The following VTCN1 variants were observed in gnomAD, a reference collection of about 807,000 sequenced individuals.
The protein encoded by VTCN1 is V-set domain containing T cell activation inhibitor 1, also known as V-set domain-containing T-cell activation inhibitor 1.
A neutral mutation model predicts 26.5 loss-of-function variants in VTCN1; 26 were observed. The observed-to-expected ratio is 0.98, with a 90% CI of 0.72 to 1.36. The LOEUF is 1.36. Ranked by LOEUF, VTCN1 falls within the 40% of genes most tolerant of loss-of-function variation. VTCN1 has a pLI of 0.00. For missense variants in VTCN1, 298 were observed against 337.7 expected (o/e 0.88, Z 0.92); for synonymous variants, 116 against 130.7 (o/e 0.89, Z 0.77).
chr1:117,207,564 C>T (rs951147773), intron 1 of VTCN1, among the ~76,000 whole-genome samples: 1 of 152,110 alleles, frequency 6.6e-6, no homozygotes, highest in Non-Finnish European at 1.5e-5. Flanking sequence ...TATTCCTTGC[C>T]CTTGAGCTAT....
intron 1 of VTCN1, among the ~76,000 whole-genome samples, chr1:117,186,515 A>AT (rs1320084367): frequency 2.6e-5 from 4 of 152,166 alleles, no homozygotes; most frequent in African/African-American, 9.7e-5. Context: ...GTATTTTGTG[A>AT]TTTTATAATG....
At chr1:117,148,699 C>T (rs1215263700) in intron 4 of VTCN1, among the ~76,000 whole-genome samples, 1 of 152,200 alleles carries the variant, frequency 6.6e-6, no homozygotes, top group Non-Finnish European at 1.5e-5. Context: ...ATAACAGCCT[C>T]TTCCCCAGCT....
chr1:117,169,135 A>C lies in VTCN1; in HGVS notation c.97+972T>G, dbSNP rs1652764721. ...CTGAGTCAGGTGGTTTATGAAAAAAAGAGCAGACAATTTGCCTCAGAGAAG... is the reference window on the plus strand; with the variant it reads ...CTGAGTCAGGTGGTTTATGAAAAAACGAGCAGACAATTTGCCTCAGAGAAG... On this transcript the variant is annotated intron_variant, in intron 2 of 5. Transcript: ENST00000369458. The surrounding 1 kb of genome is among the most constrained non-coding windows in gnomAD (Gnocchi z 4.0). Among the ~76,000 whole-genome samples, 1 of 152,238 alleles carries C rather than the reference A, an allele frequency of 6.6e-6. No individual in the cohort carries two copies. Among genetic ancestry groups the C allele is most frequent in the African/African-American group, 2.4e-5 (1 of 41,452 alleles).
chr1:117,180,714 G>C (rs1413524960), intron 1 of VTCN1, among the ~76,000 whole-genome samples: 2 of 152,178 alleles, frequency 1.3e-5, no homozygotes, highest in Non-Finnish European at 2.9e-5. Flanking sequence ...TTCTTTTCAT[G>C]GTTGGCTGTT....
chr1:117,186,862 T>A (rs1030310387), intron 1 of VTCN1, among the ~76,000 whole-genome samples: 3 of 147,488 alleles, frequency 2.0e-5, no homozygotes, highest in African/African-American at 7.6e-5. Flanking sequence ...TCTCCATAAA[T>A]CAAATTAAAC....
intron 1 of VTCN1, among the ~76,000 whole-genome samples, chr1:117,210,376 T>A (rs1649292111): frequency 2.6e-5 from 4 of 152,116 alleles, no homozygotes; most frequent in Admixed American, 2.0e-4. Context: ...TGAAAGCACA[T>A]TCTCCTCCGT....
chr1:117,178,890 T>C (rs2101548605), intron 1 of VTCN1, among the ~76,000 whole-genome samples: 1 of 152,244 alleles, frequency 6.6e-6, no homozygotes, highest in East Asian at 1.9e-4. Flanking sequence ...ACACCCAGCC[T>C]TATGAATGTT....
intron 4 of VTCN1, among the ~76,000 whole-genome samples, chr1:117,148,712 G>C (rs1335364951): frequency 6.6e-6 from 1 of 152,204 alleles, no homozygotes; most frequent in Non-Finnish European, 1.5e-5. Flanking sequence ...CCCCAGCTTA[G>C]CTCTGAACCA....
At position 117,159,244 on chromosome 1, in the gene VTCN1, G is replaced by A. The variant is rs1258930589; in HGVS notation, c.98-2323C>T. ...TCACAGTGCTGATAAAGAAATACCC[G>A]AGACTTGGAAGAAAAAGAGGTTTAA... On this transcript the variant is annotated intron_variant, in intron 2 of 5. Transcript: ENST00000369458. The surrounding 1 kb of genome is among the most constrained non-coding windows in gnomAD (Gnocchi z 4.7). Among the ~76,000 whole-genome samples, 1 of 149,420 alleles carries A rather than the reference G, an allele frequency of 6.7e-6. No individual in the cohort carries two copies. Among genetic ancestry groups the A allele is most frequent in the Non-Finnish European group, 1.5e-5 (1 of 66,958 alleles).
chr1:117,185,178 T>A (rs1469239496), intron 1 of VTCN1, among the ~76,000 whole-genome samples: 1 of 152,150 alleles, frequency 6.6e-6, no homozygotes, highest in Admixed American at 6.5e-5. Flanking sequence ...CATATTTCAG[T>A]CAAATACAAC....
At chr1:117,177,426 C>T (rs1020892872) in intron 1 of VTCN1, among the ~76,000 whole-genome samples, 19 of 152,132 alleles carry the variant, frequency 1.2e-4, no homozygotes, top group Admixed American at 3.9e-4. Flanking sequence ...TCCAGGAAAC[C>T]GAGAGCAGAA....
chr1:117,199,200 G>A (rs1057314075), intron 1 of VTCN1, among the ~76,000 whole-genome samples: 8 of 105,036 alleles, frequency 7.6e-5, no homozygotes, highest in African/African-American at 2.6e-4. Context: ...TTTTCATAAT[G>A]TTGGGTGAAT....
chr1:117,186,734 C>T (rs147369764), intron 1 of VTCN1, among the ~76,000 whole-genome samples: 1,782 of 152,294 alleles, frequency 0.012, 19 homozygotes, highest in South Asian at 0.06. Context: ...TAGGAAGACA[C>T]ATCTGAATTA....
At chr1:117,189,967 AT>A (rs1648165488) in intron 1 of VTCN1, among the ~76,000 whole-genome samples, 1 of 152,194 alleles carries the variant, frequency 6.6e-6, no homozygotes, top group Non-Finnish European at 1.5e-5. Flanking sequence ...AGATCCAGAA[AT>A]AGCTTCATCC....
intron 1 of VTCN1, among the ~76,000 whole-genome samples, chr1:117,194,936 G>T (rs1329170732): frequency 1.3e-5 from 2 of 152,068 alleles, no homozygotes; most frequent in Non-Finnish European, 2.9e-5. Flanking sequence ...TAAGTTCTGG[G>T]GATCTAATAT....
chr1:117,201,377 G>C (rs1248240162), intron 1 of VTCN1, among the ~76,000 whole-genome samples: 1 of 152,152 alleles, frequency 6.6e-6, no homozygotes, highest in Non-Finnish European at 1.5e-5. Flanking sequence ...GAATCACAGA[G>C]CTGCCGACCA....
chr1:117,193,665 T>C (rs1305406692), intron 1 of VTCN1, among the ~76,000 whole-genome samples: 1 of 152,122 alleles, frequency 6.6e-6, no homozygotes, highest in South Asian at 2.1e-4. Flanking sequence ...GACTTTAATA[T>C]CCTACTTTCA....
At position 117,147,637 on chromosome 1, in the gene VTCN1, C is replaced by CT. The variant is rs1355924606; in HGVS notation, c.*20dup. On this transcript the variant is annotated 3_prime_UTR_variant, in exon 5 of 6. Coordinates refer to ENST00000369458, the MANE Select transcript of VTCN1 (RefSeq NM_024626.4). This position sits in a 1 kb window ranked among gnomAD's most constrained non-coding sequence, Gnocchi z 4.6. ...CCTGTTGTAACAATGACTTTGCATG[C>CT]TTTTTTGTGGCCGAGGCACATTATT... The CT allele has an allele frequency of 5.0e-6, 8 of 1,609,248 alleles. No homozygotes were observed. Among genetic ancestry groups the CT allele is most frequent in the Non-Finnish European group, 5.1e-6 (6 of 1,178,636 alleles).
Position 117,203,460 on chromosome 1 carries a change from AAG to A in VTCN1, c.32+7362_32+7363del, listed in dbSNP as rs540575520. Among the ~76,000 whole-genome samples the A allele has an allele frequency of 4.3e-3, 661 of 152,246 alleles. 6 individuals carry two copies. The highest frequency in any genetic ancestry group is 0.015 in the African/African-American group (635 of 41,526). ...TTTCATTTTAAATTGCAGAAAAAGA[AAG>A]AGGAAAAACTGCCTGCCCTCTTTCC... On this transcript the variant is annotated intron_variant, in intron 1 of 5. Transcript: ENST00000369458.
Sources: gnomAD v4.1 joint callset for allele counts (sites outside exome capture counted in the v4.1 genomes callset) on GRCh38, gnomAD v4.1.1 for gene constraint, Gnocchi (gnomAD v3.1) non-coding constraint, MANE v1.5 for transcripts, NCBI Gene and HGNC (gene_info 2026-07-23, HGNC 2026-07-21) for gene names.